ANP32A: variants seen among roughly 807,000 people sequenced by gnomAD.
ANP32A encodes acidic nuclear phosphoprotein 32 family member A.
ANP32A carries 1 observed loss-of-function variant against 33.9 expected under a neutral mutation model. The observed-to-expected ratio is 0.03, with a 90% CI of 0.01 to 0.14. ANP32A has a LOEUF of 0.14. ANP32A is among the 10% of genes least tolerant of loss of function. The pLI, the probability that ANP32A is intolerant of heterozygous loss-of-function variation, is 1.00. For synonymous variants in ANP32A, 115 were observed against 120.5 expected, an observed-to-expected ratio of 0.95 and a Z score of 0.30; for missense variants, 155 against 306.0, an observed-to-expected ratio of 0.51 and a Z score of 3.68.
At position 68,779,941 on chromosome 15, in the gene ANP32A, C is replaced by T. The variant is rs1028319925; in HGVS notation, c.*140G>A. The T allele has an allele frequency of 2.0e-6, 1 of 512,586 alleles. No individual in the cohort carries two copies. The highest frequency in any genetic ancestry group is 3.3e-6 in the Non-Finnish European group (1 of 298,926). 31.8% of individuals were successfully genotyped at this position (512,586 alleles called of 1,614,324 possible). A position where few individuals can be genotyped will look rare whatever the true frequency, so the allele number is the denominator to read the frequency against. ...CTCCCCCCGCAACCCCCAGTACACT[C>T]TTCCCCTCTCGTTCCCACAGCAACG... On this transcript the variant is annotated 3_prime_UTR_variant, in exon 7 of 7. Coordinates refer to ENST00000465139, the MANE Select transcript of ANP32A (RefSeq NM_006305.4).
intron 3 of ANP32A, among the ~76,000 whole-genome samples, chr15:68,786,351 C>G (rs1893933647): frequency 6.8e-6 from 1 of 147,348 alleles, no homozygotes; most frequent in Non-Finnish European, 1.5e-5. Flanking sequence ...CCTCTGCCTT[C>G]CAGGTTCAAG....
intron 1 of ANP32A, among the ~76,000 whole-genome samples, chr15:68,811,785 A>C (rs1357823275): frequency 6.6e-6 from 1 of 152,168 alleles, no homozygotes; most frequent in Non-Finnish European, 1.5e-5. Context: ...CCCAGGCTGG[A>C]ATGCAGTGGC....
Position 68,787,702 on chromosome 15 carries a change from A to T in ANP32A, c.204+68T>A. ...CTTTCCCTTCAATTACTCTTTCTAA[A>T]CATAGGTAATAACCCTTCCCACTCC... On this transcript the variant is annotated intron_variant, in intron 2 of 6. Transcript: ENST00000465139. The T allele has an allele frequency of 1.9e-6, 3 of 1,603,154 alleles. No homozygotes were observed. In the South Asian group the frequency reaches 3.3e-5, roughly 18 times the overall value.
At chr15:68,781,847 G>T (rs1056560955) in intron 5 of ANP32A, among the ~76,000 whole-genome samples, 1 of 152,092 alleles carries the variant, frequency 6.6e-6, no homozygotes, top group Non-Finnish European at 1.5e-5. Context: ...CAAGTGATCC[G>T]CCCGCCTCGG....
chr15:68,785,206 C>T (rs1005243922), intron 3 of ANP32A, among the ~76,000 whole-genome samples: 1 of 152,080 alleles, frequency 6.6e-6, no homozygotes, highest in African/African-American at 2.4e-5. Flanking sequence ...TTGAATATTG[C>T]CTGTCAAAAA....
In ANP32A at chr15:68,778,955, A is replaced by C. The variant is rs1217503893; in HGVS notation, c.*1126T>G. On this transcript the variant is annotated 3_prime_UTR_variant, in exon 7 of 7. Transcript: ENST00000465139. ...TTTATCAATGACAAACAGACATAAAACTCAAAGTTTGGCTCTTCTGAGGGG... is the reference window on the plus strand; with the variant it reads ...TTTATCAATGACAAACAGACATAAACCTCAAAGTTTGGCTCTTCTGAGGGG... The C allele has an allele frequency of 2.6e-5, 4 of 152,120 alleles. No homozygotes were observed. The highest frequency in any genetic ancestry group is 4.4e-5 in the Non-Finnish European group (3 of 68,018). The allele number at this position is 152,120 out of a possible 1,614,324, so 9.4% of individuals were successfully genotyped here.
At chr15:68,816,888 T>C (rs1894389747) in intron 1 of ANP32A, among the ~76,000 whole-genome samples, 1 of 152,170 alleles carries the variant, frequency 6.6e-6, no homozygotes, top group Non-Finnish European at 1.5e-5. Context: ...TCAGGCTCAA[T>C]TTTCTGCCTG....
At chr15:68,782,170 CAG>C (rs1447418593) in intron 5 of ANP32A, among the ~76,000 whole-genome samples, 1 of 152,198 alleles carries the variant, frequency 6.6e-6, no homozygotes. Context: ...GACTCTGCTA[CAG>C]AGAGACTCAG....
chr15:68,815,408 A>AT (rs139260553), intron 1 of ANP32A, among the ~76,000 whole-genome samples: 8,453 of 150,340 alleles, frequency 0.056, 728 homozygotes, highest in African/African-American at 0.18. Flanking sequence ...ATTGAGTACA[A>AT]TTTTTTTTTT....
intron 1 of ANP32A, chr15:68,791,678 C>G (rs557241158): frequency 1.3e-5 from 2 of 152,846 alleles, no homozygotes; most frequent in East Asian, 3.9e-4. Flanking sequence ...AAGGTGGTGT[C>G]TTCAGAATCC....
chr15:68,787,619 G>C lies in ANP32A; in HGVS notation c.205-84C>G, dbSNP rs113147057. 1,396 of 1,603,442 alleles carry C rather than the reference G, an allele frequency of 8.7e-4. 5 individuals carry two copies. The African/African-American group carries it at 0.014, about 16-fold the overall frequency. ...CAGAGCTGCCCGGCTTTCCCCAGACGGGCAAGAAGGGAAAGCAGTCTCAGG... is the reference window on the plus strand; with the variant it reads ...CAGAGCTGCCCGGCTTTCCCCAGACCGGCAAGAAGGGAAAGCAGTCTCAGG... On this transcript the variant is annotated intron_variant, in intron 2 of 6. Coordinates refer to ENST00000465139, the MANE Select transcript of ANP32A (RefSeq NM_006305.4).
intron 1 of ANP32A, among the ~76,000 whole-genome samples, chr15:68,797,063 T>C (rs1894072746): frequency 6.6e-6 from 1 of 152,078 alleles, no homozygotes. Flanking sequence ...AATCATCTAA[T>C]CTCTTAAAAC....
intron 1 of ANP32A, among the ~76,000 whole-genome samples, chr15:68,792,604 A>T (rs1894011942): frequency 6.6e-6 from 1 of 152,198 alleles, no homozygotes; most frequent in Admixed American, 6.5e-5. Flanking sequence ...GTCTTTACAG[A>T]TCTCTCAAAT....
chr15:68,807,424 A>C (rs1894246940), intron 1 of ANP32A, among the ~76,000 whole-genome samples: 1 of 32,322 alleles, frequency 3.1e-5, no homozygotes, highest in Non-Finnish European at 1.1e-4. Context: ...CCTCCACAGA[A>C]AACGGGGGGG....
intron 4 of ANP32A, among the ~76,000 whole-genome samples, chr15:68,783,384 C>T: frequency 6.6e-6 from 1 of 151,924 alleles, no homozygotes; most frequent in East Asian, 1.9e-4. Flanking sequence ...TCAAATCAAA[C>T]TCCTCAGGTT....
chr15:68,793,376 CCT>C (rs1894022470), intron 1 of ANP32A, among the ~76,000 whole-genome samples: 1 of 152,106 alleles, frequency 6.6e-6, no homozygotes, highest in African/African-American at 2.4e-5. Flanking sequence ...AGCATAAGCC[CCT>C]GAGAGGCAGG....
At chr15:68,810,622 GAT>G (rs1894298641) in intron 1 of ANP32A, among the ~76,000 whole-genome samples, 1 of 152,166 alleles carries the variant, frequency 6.6e-6, no homozygotes, top group African/African-American at 2.4e-5. Flanking sequence ...GAGAATACAG[GAT>G]AAGAATGCCC....
At chr15:68,784,260 T>C in intron 4 of ANP32A, 137 bp downstream of exon 4, 4 of 970,986 alleles carry the variant, frequency 4.1e-6, no homozygotes, top group Non-Finnish European at 6.2e-6. Context: ...AGGTGGTAGC[T>C]ACCAGACAGA....
chr15:68,785,073 C>T (rs1263135404), intron 3 of ANP32A, among the ~76,000 whole-genome samples: 1 of 152,152 alleles, frequency 6.6e-6, no homozygotes, highest in African/African-American at 2.4e-5. Flanking sequence ...TACTGAGTCA[C>T]TTTATCTCAC....
Sources: allele counts gnomAD v4.1 joint callset (sites outside exome capture counted in the v4.1 genomes callset), GRCh38; gene constraint gnomAD v4.1.1; transcripts MANE v1.5; gene names NCBI Gene and HGNC (gene_info 2026-07-23, HGNC 2026-07-21).